Variants in ADPRHL1 observed in about 807,000 individuals in gnomAD.
ADPRHL1 encodes ADP-ribosylhydrolase like 1, also known as inactive ADP-ribosyltransferase ARH2.
In ADPRHL1, 43 loss-of-function variants were observed where a neutral mutation model predicts 44.1. The observed-to-expected ratio is 0.98, with a 90% CI of 0.76 to 1.26. The LOEUF is 1.26. ADPRHL1 is among the 50% of genes most tolerant of loss of function. The pLI is 0.00. For synonymous variants in ADPRHL1, 878 were observed against 1,017.4 expected (o/e 0.86, Z 2.61); for missense variants, 2,022 against 2,496.9 (o/e 0.81, Z 4.05).
chr13:113,405,627 C>T lies in ADPRHL1; in HGVS notation c.3655G>A (p.Ala1219Thr), dbSNP rs1284439869. 6 of 1,232,722 alleles carry T rather than the reference C, an allele frequency of 4.9e-6. No homozygotes were observed. The highest frequency in any genetic ancestry group is 1.5e-5 in the African/African-American group (1 of 64,526). The allele number at this position is 1,232,722 out of a possible 1,614,324, so 76.4% of individuals were successfully genotyped here. The change falls in exon 8 of 8, where the codon GCC becomes ACC. Residue 1219 changes from alanine to threonine, a missense_variant. By Grantham distance (58) the Ala-to-Thr change is moderately conservative. Coordinates refer to ENST00000612156, the MANE Select transcript of ADPRHL1 (RefSeq NM_001394807.1). ...ARHPEDAAAL[A>T]RHPEAARLYI... ...AATCGGGCCGCCTCTGGGTGCCGGG[C>T]GAGGGCCGCAGCATCCTCCGGGTGG...
chr13:113,448,658 T>C (rs1488442871), intron 1 of ADPRHL1, among the ~76,000 whole-genome samples: 1 of 140,100 alleles, frequency 7.1e-6, no homozygotes, highest in Non-Finnish European at 1.5e-5. Flanking sequence ...GTGCTGGCCC[T>C]GTGCCCTGGA....
rs1263464438 is a variant in ADPRHL1 at position 113,400,312 on chromosome 13, A to T, written c.*3066T>A. The T allele has an allele frequency of 8.0e-5, 12 of 150,746 alleles. No homozygotes were observed. Among genetic ancestry groups the T allele is most frequent in the Non-Finnish European group, 1.5e-4 (10 of 67,646 alleles). 9.3% of individuals were successfully genotyped at this position (150,746 alleles called of 1,614,324 possible). On this transcript the variant is annotated 3_prime_UTR_variant, in exon 8 of 8. Coordinates refer to ENST00000612156, the MANE Select transcript of ADPRHL1 (RefSeq NM_001394807.1). ...AGGCACCCACCACCACGCCCGGCTAATTTTTGTATTTTTAGTAGAGACAGG... is the reference window on the plus strand; with the variant it reads ...AGGCACCCACCACCACGCCCGGCTATTTTTTGTATTTTTAGTAGAGACAGG...
In ADPRHL1 at chr13:113,424,232, C is replaced by T. The variant is rs776229218; in HGVS notation, c.892G>A (p.Ala298Thr). ...GNSWTELCHR[A>T]MFHGGESAAT... Reference sequence around the variant, plus strand: ...AACATCTCACCTCCATGAAACATGGCCCGGTGACACAGCTCAGTCCAGCTG... The same window carrying T: ...AACATCTCACCTCCATGAAACATGGTCCGGTGACACAGCTCAGTCCAGCTG... Residue 298 changes from alanine to threonine, a missense_variant, in exon 6 of 8, where the codon GCC becomes ACC. By Grantham distance (58) the Ala-to-Thr change is moderately conservative. This residue lies in a region of ADPRHL1 where 437 missense variants were observed against 430.7 expected (regional missense o/e 1.01). Coordinates refer to ENST00000612156, the MANE Select transcript of ADPRHL1 (RefSeq NM_001394807.1). 1 of 1,612,674 alleles carries T rather than the reference C, an allele frequency of 6.2e-7. No individual in the cohort carries two copies. The highest frequency in any genetic ancestry group is 1.3e-5 in the African/African-American group (1 of 74,916).
chr13:113,412,399 C>T (rs909721399), intron 7 of ADPRHL1, among the ~76,000 whole-genome samples: 16 of 152,174 alleles, frequency 1.1e-4, no homozygotes, highest in African/African-American at 2.7e-4. Flanking sequence ...AGGATGGTCT[C>T]GATCTCCTGA....
intron 1 of ADPRHL1, among the ~76,000 whole-genome samples, chr13:113,452,420 C>T (rs1472539014): frequency 1.3e-5 from 2 of 152,170 alleles, no homozygotes; most frequent in South Asian, 2.1e-4. Context: ...GGAGTGAACG[C>T]ATAAGTGAGA....
intron 1 of ADPRHL1, among the ~76,000 whole-genome samples, chr13:113,445,998 C>T (rs947034092): frequency 6.6e-6 from 1 of 151,512 alleles, no homozygotes; most frequent in African/African-American, 2.4e-5. Flanking sequence ...GGCTGCACAC[C>T]CCCCAGAGAG....
chr13:113,419,737 C>A (rs575518338), intron 7 of ADPRHL1, among the ~76,000 whole-genome samples: 2 of 152,056 alleles, frequency 1.3e-5, no homozygotes, highest in African/African-American at 4.8e-5. Flanking sequence ...GTTAAAAAGG[C>A]GCAGATTGGT....
chr13:113,428,863 A>C, intron 4 of ADPRHL1, 89 bp downstream of exon 4: 1 of 1,571,674 alleles, frequency 6.4e-7, no homozygotes, highest in South Asian at 1.1e-5. Context: ...TAAGAGCGAA[A>C]GTGCCTTGAA....
chr13:113,429,898 T>A (rs1057002357), intron 3 of ADPRHL1, among the ~76,000 whole-genome samples: 3 of 152,252 alleles, frequency 2.0e-5, no homozygotes, highest in Non-Finnish European at 4.4e-5. Context: ...CTTTGGTATG[T>A]CAAATTTTAC....
chr13:113,414,768 C>A (rs1380277252), intron 7 of ADPRHL1, among the ~76,000 whole-genome samples: 3 of 151,828 alleles, frequency 2.0e-5, no homozygotes, highest in Admixed American at 6.6e-5. Context: ...CTCCGCCTCC[C>A]GGGTTCAAGC....
chr13:113,437,856 G>A (rs1341879443), intron 2 of ADPRHL1, among the ~76,000 whole-genome samples: 1 of 152,178 alleles, frequency 6.6e-6, no homozygotes, highest in African/African-American at 2.4e-5. Context: ...GTTTGAGATG[G>A]AGTCTTGCTC....
In ADPRHL1 at chr13:113,428,548, G is replaced by A. The variant is rs954328186; in HGVS notation, c.646+404C>T. Among the ~76,000 whole-genome samples the A allele has an allele frequency of 2.6e-5, 4 of 152,360 alleles. No homozygotes were observed. In the South Asian group the frequency reaches 8.3e-4, roughly 32 times the overall value. ...CTGGCCAGCCTCATGGGGCTCCTGA[G>A]GGAAGGGCCCAGCCCTGAGCTCGCC... On this transcript the variant is annotated intron_variant, in intron 4 of 7. Coordinates refer to ENST00000612156, the MANE Select transcript of ADPRHL1 (RefSeq NM_001394807.1).
intron 4 of ADPRHL1, among the ~76,000 whole-genome samples, chr13:113,427,228 C>T (rs560575831): frequency 1.3e-5 from 2 of 152,294 alleles, no homozygotes; most frequent in South Asian, 4.1e-4. Flanking sequence ...TGAGGAAAAC[C>T]GTTTTGAATA....
In ADPRHL1 at chr13:113,409,419, A is replaced by G; in HGVS notation, c.1062-1199T>C. The stretch of plus-strand genomic sequence containing the variant: ...GAACAAAGACTCGAGTATTACAGGA[A>G]AAGTCGCCTTCATGGTGCCGTTTAT... On this transcript the variant is annotated intron_variant, in intron 7 of 7. Transcript: ENST00000612156. This position sits in a 1 kb window ranked among gnomAD's most constrained non-coding sequence, Gnocchi z 4.2. The G allele has an allele frequency of 1.0e-6, 1 of 985,420 alleles. No homozygotes were observed. Among genetic ancestry groups the G allele is most frequent in the Non-Finnish European group, 1.2e-6 (1 of 829,936 alleles). 61.0% of individuals were successfully genotyped at this position (985,420 alleles called of 1,614,324 possible).
intron 2 of ADPRHL1, among the ~76,000 whole-genome samples, chr13:113,440,754 C>G (rs1338735212): frequency 6.6e-6 from 1 of 152,102 alleles, no homozygotes; most frequent in Non-Finnish European, 1.5e-5. Context: ...TGCACCTGGT[C>G]TATTTTTCTT....
chr13:113,403,315 C>G lies in ADPRHL1; in HGVS notation c.*63G>C. ...AGACGCATTTGGAGGCAGGAAAATG[C>G]CTGAAGTCCCTCAATGGGCGGATGT... On this transcript the variant is annotated 3_prime_UTR_variant, in exon 8 of 8. Coordinates refer to ENST00000612156, the MANE Select transcript of ADPRHL1 (RefSeq NM_001394807.1). 1.6e-6 allele frequency: 2 copies of G among 1,218,742 alleles called. No individual in the cohort carries two copies. Among genetic ancestry groups the G allele is most frequent in the Non-Finnish European group, 2.0e-6 (2 of 976,316 alleles). The allele number at this position is 1,218,742 out of a possible 1,614,324, so 75.5% of individuals were successfully genotyped here.
chr13:113,416,411 G>A (rs1024426936), intron 7 of ADPRHL1, among the ~76,000 whole-genome samples: 7 of 152,026 alleles, frequency 4.6e-5, no homozygotes, highest in Non-Finnish European at 7.4e-5. Context: ...CTAGTCGGCC[G>A]GCTGTGACTG....
At chr13:113,418,866 C>T (rs1299164097) in intron 7 of ADPRHL1, among the ~76,000 whole-genome samples, 1 of 152,034 alleles carries the variant, frequency 6.6e-6, no homozygotes, top group Non-Finnish European at 1.5e-5. Context: ...TGCCTGATGT[C>T]TTGCAAGAGA....
At position 113,407,553 on chromosome 13, in the gene ADPRHL1, T is replaced by A. The variant is rs961197198; in HGVS notation, c.1729A>T (p.Lys577Ter). 8.1e-7 allele frequency: 1 copy of A among 1,232,256 alleles called. No homozygotes were observed. Among genetic ancestry groups the A allele is most frequent in the Non-Finnish European group, 1.0e-6 (1 of 988,110 alleles). The allele number at this position is 1,232,256 out of a possible 1,614,324, so 76.3% of individuals were successfully genotyped here. A position where few individuals can be genotyped will look rare whatever the true frequency, so the allele number is the denominator to read the frequency against. Residue 577 changes from lysine to a stop codon, truncating the protein, a stop_gained, in exon 8 of 8, where the codon AAG becomes TAG. Coordinates refer to ENST00000612156, the MANE Select transcript of ADPRHL1 (RefSeq NM_001394807.1). LOFTEE classifies it low-confidence loss of function (END_TRUNC). ...ALRLHTQERKKRNLQRKRMHR... is the reference protein window; with the variant it reads ...ALRLHTQERK ...ATCCTCTTCCTCTGCAGGTTCCTCTTCTTCCGCTCCTGCGTGTGCAGCCTC... is the reference window on the plus strand; with the variant it reads ...ATCCTCTTCCTCTGCAGGTTCCTCTACTTCCGCTCCTGCGTGTGCAGCCTC...
Sources: allele counts gnomAD v4.1 joint callset (sites outside exome capture counted in the v4.1 genomes callset), GRCh38; gene constraint gnomAD v4.1.1; regional missense constraint gnomAD v4.1.1; non-coding constraint Gnocchi (gnomAD v3.1); transcripts MANE v1.5; gene names NCBI Gene and HGNC (gene_info 2026-07-23, HGNC 2026-07-21).